Variants in LRCH2 observed in about 807,000 individuals in gnomAD.
The protein encoded by LRCH2 is leucine rich repeats and calponin homology domain containing 2.
Under a neutral mutation model 68.9 loss-of-function variants are expected in LRCH2, and 38 were observed. The ratio of observed to expected loss-of-function variants is 0.55; its 90% confidence interval spans 0.43 to 0.72. The LOEUF is 0.72. LRCH2 is among the 30% of genes least tolerant of loss of function. LRCH2 has a pLI of 0.00. For synonymous variants in LRCH2, 191 were observed against 208.1 expected, an observed-to-expected ratio of 0.92 and a Z score of 0.71; for missense variants, 528 against 572.9, an observed-to-expected ratio of 0.92 and a Z score of 0.80.
intron 1 of LRCH2, among the ~76,000 whole-genome samples, chrX:115,201,909 A>T (rs782780254): frequency 9.0e-6 from 1 of 111,574 alleles, no homozygotes; most frequent in East Asian, 2.8e-4. Flanking sequence ...TACCACACCT[A>T]CCAGAAAATA....
In LRCH2 at chrX:115,184,393, T is replaced by C; in HGVS notation, c.621+18A>G. ...ATATTACGCATATTGCATTAATTAA[T>C]ACAACTAAGTTACTCACCAATTCCA... On this transcript the variant is annotated intron_variant, in intron 3 of 20. Coordinates refer to ENST00000317135, the MANE Select transcript of LRCH2 (RefSeq NM_020871.4). 2 of 1,114,990 alleles carry C rather than the reference T, an allele frequency of 1.8e-6. No homozygotes were observed. The highest frequency in any genetic ancestry group is 2.4e-6 in the Non-Finnish European group (2 of 835,835). The allele number at this position is 1,114,990 out of a possible 1,213,427, so 91.9% of individuals were successfully genotyped here. A position where few individuals can be genotyped will look rare whatever the true frequency, so the allele number is the denominator to read the frequency against.
At chrX:115,123,897 T>C (rs1556526777) in intron 17 of LRCH2, 48 bp downstream of exon 17, 1 of 802,426 alleles carries the variant, frequency 1.2e-6, no homozygotes, top group Admixed American at 3.2e-5. Flanking sequence ...GCTGGGAAAC[T>C]AGTTTCATAT....
At chrX:115,172,634 C>T (rs2072612722) in intron 5 of LRCH2, among the ~76,000 whole-genome samples, 1 of 110,932 alleles carries the variant, frequency 9.0e-6, no homozygotes, top group Admixed American at 9.6e-5. Flanking sequence ...AATTAATGGC[C>T]CCATTTTTTC....
chrX:115,192,629 G>A, intron 1 of LRCH2: 5 of 1,169,888 alleles, frequency 4.3e-6, no homozygotes, highest in Non-Finnish European at 5.7e-6. Context: ...AGGGGGGAAG[G>A]CCGGAGCAGA....
At position 115,111,647 on chromosome X, in the gene LRCH2, G is replaced by A. The variant is rs1258040287; in HGVS notation, c.*1569C>T. 2 of 110,573 alleles carry A rather than the reference G, an allele frequency of 1.8e-5. No individual in the cohort carries two copies. The highest frequency in any genetic ancestry group is 3.8e-5 in the Non-Finnish European group (2 of 52,682). 9.1% of individuals were successfully genotyped at this position (110,573 alleles called of 1,213,427 possible). A position where few individuals can be genotyped will look rare whatever the true frequency, so the allele number is the denominator to read the frequency against. Reference sequence around the variant, plus strand: ...TTAATTCTTAAACCATATACTCATAGAAGCTTTAATTCTTTAAAAGCTCCA... The same window carrying A: ...TTAATTCTTAAACCATATACTCATAAAAGCTTTAATTCTTTAAAAGCTCCA... On this transcript the variant is annotated 3_prime_UTR_variant, in exon 21 of 21. Transcript: ENST00000317135.
chrX:115,189,159 T>C (rs1023348542), intron 1 of LRCH2, among the ~76,000 whole-genome samples: 8 of 112,141 alleles, frequency 7.1e-5, no homozygotes, highest in Non-Finnish European at 1.5e-4. Context: ...AACCATTCCA[T>C]ATGTCTGGAA....
At chrX:115,138,114 C>T (rs1210295935) in intron 14 of LRCH2, among the ~76,000 whole-genome samples, 1 of 104,569 alleles carries the variant, frequency 9.6e-6, no homozygotes, top group Admixed American at 1.0e-4. Context: ...CCCCTTTCTT[C>T]GCCCCCCTTC....
chrX:115,224,837 T>C (rs1410261996), intron 1 of LRCH2, among the ~76,000 whole-genome samples: 1 of 111,671 alleles, frequency 9.0e-6, no homozygotes, highest in Non-Finnish European at 1.9e-5. Context: ...TTAAAGTATA[T>C]ATATGGGAGC....
At chrX:115,220,945 T>C (rs782627018) in intron 1 of LRCH2, among the ~76,000 whole-genome samples, 1 of 108,607 alleles carries the variant, frequency 9.2e-6, no homozygotes, top group Admixed American at 9.9e-5. Context: ...CCCAGCACTT[T>C]GGGAGGCCGA....
At chrX:115,132,365 C>G (rs2072253444) in intron 14 of LRCH2, among the ~76,000 whole-genome samples, 1 of 111,444 alleles carries the variant, frequency 9.0e-6, no homozygotes, top group Admixed American at 9.6e-5. Context: ...TTGTTTTTGT[C>G]AGGTTTGTCA....
rs782458264 is a variant in LRCH2, at chrX:115,191,114, G to A, written c.350-2744C>T. 88 of 1,165,192 alleles carry A rather than the reference G, an allele frequency of 7.6e-5. No homozygotes were observed. The highest frequency in any genetic ancestry group is 2.3e-4 in the Middle Eastern group (1 of 4,302). On this transcript the variant is annotated intron_variant, in intron 1 of 20. Transcript: ENST00000317135. ...GAAGGCCGCTATGAGTACCGAGGCC[G>A]CTCGCATGACGCCCACAGTGGGGGC...
chrX:115,232,685 G>A (rs781860476), intron 1 of LRCH2, among the ~76,000 whole-genome samples: 27 of 111,595 alleles, frequency 2.4e-4, no homozygotes, highest in South Asian at 3.7e-4. Context: ...TCAAAATGAC[G>A]ACATCTATTA....
chrX:115,139,632 T>G (rs2072319654), intron 14 of LRCH2, among the ~76,000 whole-genome samples: 1 of 110,680 alleles, frequency 9.0e-6, no homozygotes, highest in South Asian at 3.8e-4. Flanking sequence ...ATACAAAAAT[T>G]AGCCAGCTAC....
chrX:115,233,047 A>G (rs1341573322), intron 1 of LRCH2, among the ~76,000 whole-genome samples: 3 of 112,331 alleles, frequency 2.7e-5, no homozygotes, highest in Non-Finnish European at 5.6e-5. Context: ...AACAAGGATT[A>G]GCTTTCTTCT....
rs781865425 is a variant in LRCH2, at chrX:115,183,268, GAATAAA to G, written c.621+1137_621+1142del. On this transcript the variant is annotated intron_variant, in intron 3 of 20. Transcript: ENST00000317135. ...ATTGGACATGCAGGTATTCCTTAAT[GAATAAA>G]AGGTATTCCTGAAATTTCTGCTCAT... Among the ~76,000 whole-genome samples, 3 of 111,753 alleles carry G rather than the reference GAATAAA, an allele frequency of 2.7e-5. No homozygotes were observed. In the Admixed American group the frequency reaches 2.9e-4, roughly 11 times the overall value.
At chrX:115,117,263 T>C (rs1395815818) in intron 20 of LRCH2, among the ~76,000 whole-genome samples, 1 of 111,538 alleles carries the variant, frequency 9.0e-6, no homozygotes, top group Non-Finnish European at 1.9e-5. Flanking sequence ...CATATCACAA[T>C]GACTAAAATT....
rs879980272 is a variant in LRCH2, at chrX:115,166,191, GT to G, written c.1086+63del. The G allele has an allele frequency of 2.7e-5, 22 of 813,722 alleles. No homozygotes were observed. In the South Asian group the frequency reaches 4.7e-4, roughly 17 times the overall value. The allele number at this position is 813,722 out of a possible 1,213,427, so 67.1% of individuals were successfully genotyped here. ...AAAATAAACTCAAGTATGCACAAGGGTCTCTATTTCAATGCTCTAATAAAAT... is the reference window on the plus strand; with the variant it reads ...AAAATAAACTCAAGTATGCACAAGGGCTCTATTTCAATGCTCTAATAAAAT... On this transcript the variant is annotated intron_variant, in intron 7 of 20. Coordinates refer to ENST00000317135, the MANE Select transcript of LRCH2 (RefSeq NM_020871.4).
At position 115,122,517 on chromosome X, in the gene LRCH2, T is replaced by A; in HGVS notation, c.2178+10A>T. 1 of 1,187,486 alleles carries A rather than the reference T, an allele frequency of 8.4e-7. No individual in the cohort carries two copies. Among genetic ancestry groups the A allele is most frequent in the South Asian group, 1.8e-5 (1 of 54,670 alleles). ...TTAAGTGATCACGTTGTTAGATAAA[T>A]AACAATTACCTGTGAGACACCCAAC... is the stretch of plus-strand genomic sequence containing the variant. On this transcript the variant is annotated intron_variant, in intron 20 of 20. Transcript: ENST00000317135.
At chrX:115,143,619 A>C (rs2072357791) in intron 14 of LRCH2, among the ~76,000 whole-genome samples, 1 of 111,617 alleles carries the variant, frequency 9.0e-6, no homozygotes, top group African/African-American at 3.3e-5. Flanking sequence ...AATACTGGCA[A>C]ACTGATTCTA....
Sources: allele counts gnomAD v4.1 joint callset (sites outside exome capture counted in the v4.1 genomes callset), GRCh38; gene constraint gnomAD v4.1.1; transcripts MANE v1.5; gene names NCBI Gene and HGNC (gene_info 2026-07-23, HGNC 2026-07-21).